RIMBP2: variants seen among roughly 807,000 people sequenced by gnomAD.
The protein encoded by RIMBP2 is RIMS-binding protein 2.
RIMBP2 carries 48 observed loss-of-function variants against 118.6 expected under a neutral mutation model. The ratio of observed to expected loss-of-function variants is 0.40; its 90% CI spans 0.32 to 0.51. The LOEUF is 0.51. Among genes scored for constraint, RIMBP2 ranks in the 20% least tolerant of loss-of-function variants. RIMBP2 has a pLI of 0.41. For missense variants in RIMBP2, 1,551 were observed against 1,768.3 expected, an observed-to-expected ratio of 0.88 and a Z score of 2.20; for synonymous variants, 762 against 742.9, an observed-to-expected ratio of 1.03 and a Z score of -0.42.
intron 19 of RIMBP2, among the ~76,000 whole-genome samples, chr12:130,408,233 A>C (rs572946390): frequency 1.3e-5 from 2 of 152,316 alleles, no homozygotes; most frequent in Non-Finnish European, 2.9e-5. Context: ...CCATAGACAC[A>C]GTTTTAAAAG....
intron 1 of RIMBP2, among the ~76,000 whole-genome samples, chr12:130,651,002 G>A (rs1201746606): frequency 6.7e-6 from 1 of 149,414 alleles, no homozygotes; most frequent in Non-Finnish European, 1.5e-5. Flanking sequence ...AAACTGCTTT[G>A]TAAATGTCAC....
At chr12:130,440,981 C>T (rs1218652162) in intron 11 of RIMBP2, among the ~76,000 whole-genome samples, 2 of 152,154 alleles carry the variant, frequency 1.3e-5, no homozygotes, top group Non-Finnish European at 2.9e-5. Flanking sequence ...CACCCCACCT[C>T]CCTACCATCT....
chr12:130,408,986 T>G (rs1432180272), intron 19 of RIMBP2, among the ~76,000 whole-genome samples: 5 of 149,454 alleles, frequency 3.3e-5, no homozygotes, highest in South Asian at 2.1e-4. Context: ...TGCACATGTG[T>G]CCTCTGCAGG....
At chr12:130,697,261 C>T (rs2065620936) in intron 1 of RIMBP2, among the ~76,000 whole-genome samples, 1 of 152,174 alleles carries the variant, frequency 6.6e-6, no homozygotes, top group South Asian at 2.1e-4. Flanking sequence ...GAGGCTCATG[C>T]CTGTAATCCC....
At chr12:130,715,690 G>T (rs1338912359) in intron 1 of RIMBP2, among the ~76,000 whole-genome samples, 1 of 152,190 alleles carries the variant, frequency 6.6e-6, no homozygotes, top group Admixed American at 6.5e-5. Flanking sequence ...GGCGCAGCCT[G>T]CGGGCTTTGT....
intron 2 of RIMBP2, among the ~76,000 whole-genome samples, chr12:130,559,297 C>T (rs1593795426): frequency 6.6e-6 from 1 of 152,178 alleles, no homozygotes; most frequent in African/African-American, 2.4e-5. Context: ...ATCCTTCCAA[C>T]AACAGCTCCC....
intron 1 of RIMBP2, among the ~76,000 whole-genome samples, chr12:130,696,036 G>T (rs2065554533): frequency 6.6e-6 from 1 of 152,132 alleles, no homozygotes; most frequent in Middle Eastern, 3.2e-3. Context: ...TGTGCATTGG[G>T]TCACCAAGGG....
At chr12:130,409,844 TAACA>T (rs1443114392) in intron 19 of RIMBP2, among the ~76,000 whole-genome samples, 1 of 152,226 alleles carries the variant, frequency 6.6e-6, no homozygotes, top group Non-Finnish European at 1.5e-5. Context: ...AAACCACTAT[TAACA>T]AACATTCATG....
In RIMBP2 at chr12:130,456,060, G is replaced by A. The variant is rs184576786; in HGVS notation, c.358+436C>T. On this transcript the variant is annotated intron_variant, in intron 7 of 22. Coordinates refer to ENST00000690449, the MANE Select transcript of RIMBP2 (RefSeq NM_001393629.1). ...AACATCACCAACAAGTTACTGAGAT[G>A]AGAAGGAAGGAAAAACAACGAACAC... Among the ~76,000 whole-genome samples the A allele has an allele frequency of 9.1e-4, 138 of 152,342 alleles. 1 individual carries two copies. Among genetic ancestry groups the A allele is most frequent in the Middle Eastern group, 6.8e-3 (2 of 294 alleles).
intron 6 of RIMBP2, among the ~76,000 whole-genome samples, chr12:130,466,801 C>T (rs1019790106): frequency 3.3e-5 from 5 of 152,228 alleles, no homozygotes; most frequent in African/African-American, 9.6e-5. Flanking sequence ...CAGCTCCTAA[C>T]CCTCTGCTCA....
intron 6 of RIMBP2, among the ~76,000 whole-genome samples, chr12:130,460,651 G>A (rs1156348957): frequency 1.3e-5 from 2 of 152,144 alleles, no homozygotes; most frequent in East Asian, 1.9e-4. Flanking sequence ...CACAGTCACA[G>A]TTTGGTGTTA....
At chr12:130,513,266 C>T (rs2051105314) in intron 3 of RIMBP2, among the ~76,000 whole-genome samples, 1 of 152,216 alleles carries the variant, frequency 6.6e-6, no homozygotes, top group Non-Finnish European at 1.5e-5. Flanking sequence ...CACAACAGCA[C>T]ATTAGCAACC....
intron 2 of RIMBP2, among the ~76,000 whole-genome samples, chr12:130,608,267 G>A (rs1364809908): frequency 6.6e-6 from 1 of 152,218 alleles, no homozygotes; most frequent in East Asian, 1.9e-4. Flanking sequence ...GGGAAACCAA[G>A]AGACTCTTAG....
chr12:130,597,071 A>G (rs2059605390), intron 2 of RIMBP2, among the ~76,000 whole-genome samples: 2 of 152,190 alleles, frequency 1.3e-5, no homozygotes, highest in South Asian at 4.1e-4. Flanking sequence ...AAGGAACGGA[A>G]CTCTACCCAA....
At chr12:130,567,578 G>GC (rs919567742) in intron 2 of RIMBP2, among the ~76,000 whole-genome samples, 4 of 152,138 alleles carry the variant, frequency 2.6e-5, no homozygotes, top group Non-Finnish European at 4.4e-5. Flanking sequence ...TTGTCCAGTT[G>GC]CCCCCCACAT....
intron 2 of RIMBP2, among the ~76,000 whole-genome samples, chr12:130,529,059 A>G (rs2053098246): frequency 1.3e-5 from 2 of 152,208 alleles, no homozygotes; most frequent in East Asian, 1.9e-4. Context: ...GTGTCGATTG[A>G]TGGATGAATG....
In RIMBP2 at chr12:130,670,417, C is replaced by T. The variant is rs2064144706; in HGVS notation, c.-351-41961G>A. On this transcript the variant is annotated intron_variant, in intron 1 of 22. Coordinates refer to ENST00000690449, the MANE Select transcript of RIMBP2 (RefSeq NM_001393629.1). The surrounding 1 kb of genome is among the most constrained non-coding windows in gnomAD (Gnocchi z 4.9). ...CTAGAGGGCAGTAGTCATGTGGGTTCTCATGAACACGCCAGCCCTGCTCTC... is the reference window on the plus strand; with the variant it reads ...CTAGAGGGCAGTAGTCATGTGGGTTTTCATGAACACGCCAGCCCTGCTCTC... Among the ~76,000 whole-genome samples the T allele has an allele frequency of 6.6e-6, 1 of 152,158 alleles. No homozygotes were observed. The highest frequency in any genetic ancestry group is 2.1e-4 in the South Asian group (1 of 4,828).
At chr12:130,478,498 C>T (rs2081639202) in intron 5 of RIMBP2, among the ~76,000 whole-genome samples, 1 of 152,174 alleles carries the variant, frequency 6.6e-6, no homozygotes. Flanking sequence ...AAACAAAACT[C>T]CTTTTGAACT....
chr12:130,407,568 T>A (rs1055778111), intron 20 of RIMBP2, among the ~76,000 whole-genome samples, 158 bp downstream of exon 20: 4 of 152,188 alleles, frequency 2.6e-5, no homozygotes, highest in Admixed American at 1.3e-4. Context: ...TGCGTGGCCA[T>A]GTCTGTATCA....
Sources: allele counts gnomAD v4.1 joint callset (sites outside exome capture counted in the v4.1 genomes callset), GRCh38; gene constraint gnomAD v4.1.1; non-coding constraint Gnocchi (gnomAD v3.1); transcripts MANE v1.5; gene names NCBI Gene and HGNC (gene_info 2026-07-23, HGNC 2026-07-21).